The following FAM234A variants were observed in gnomAD, a reference collection of about 807,000 sequenced individuals.
FAM234A encodes the protein protein FAM234A.
FAM234A carries 42 observed loss-of-function variants against 49.1 expected under a neutral mutation model. That is an observed-to-expected ratio of 0.86 (90% CI 0.67 to 1.11). The LOEUF is 1.11. Among genes scored for constraint, FAM234A ranks in the 50% least tolerant of loss-of-function variants. The pLI, the probability that FAM234A is intolerant of heterozygous loss-of-function variation, is 0.00. For missense variants in FAM234A, 815 were observed against 745.2 expected, an observed-to-expected ratio of 1.09 and a Z score of -1.09; for synonymous variants, 369 against 316.2, an observed-to-expected ratio of 1.17 and a Z score of -1.77.
Position 264,012 on chromosome 16 carries a change from C to T in FAM234A, c.1189-4C>T, listed in dbSNP as rs1044058454. On this transcript the variant is annotated splice_region_variant and splice_polypyrimidine_tract_variant and intron_variant, in intron 10 of 12. Coordinates refer to ENST00000399932, the MANE Select transcript of FAM234A (RefSeq NM_032039.4). Reference sequence around the variant, plus strand: ...GGCCCCCACAGTGTCCCCTCCCTCCCCAGATCCTGTTTCTGGACCTTGGCA... The same window carrying T: ...GGCCCCCACAGTGTCCCCTCCCTCCTCAGATCCTGTTTCTGGACCTTGGCA... The T allele has an allele frequency of 3.1e-6, 5 of 1,610,346 alleles. No individual in the cohort carries two copies. Among genetic ancestry groups the T allele is most frequent in the Non-Finnish European group, 4.2e-6 (5 of 1,177,988 alleles).
intron 9 of FAM234A, 40 bp downstream of exon 9, chr16:263,442 C>G (rs1389333582): frequency 6.3e-7 from 1 of 1,597,392 alleles, no homozygotes; most frequent in Non-Finnish European, 8.5e-7. Flanking sequence ...TGCTGCACCC[C>G]TTCCCGGCAT....
intron 1 of FAM234A, chr16:240,108 A>G (rs1429364139): frequency 6.6e-6 from 1 of 152,042 alleles, no homozygotes; most frequent in Non-Finnish European, 1.5e-5. Flanking sequence ...TTGCTGTCAA[A>G]TGCCCAGCGT....
chr16:267,934 TACAC>T (rs1252245683), downstream of FAM234A, among the ~76,000 whole-genome samples: 1 of 145,876 alleles, frequency 6.9e-6, no homozygotes, highest in Non-Finnish European at 1.5e-5. Context: ...ACACGTGCAC[TACAC>T]ACAATCACAC....
At chr16:241,778 T>A (rs932850122) in intron 1 of FAM234A, among the ~76,000 whole-genome samples, 1 of 151,616 alleles carries the variant, frequency 6.6e-6, no homozygotes, top group Non-Finnish European at 1.5e-5. Flanking sequence ...TTAGCCGGGC[T>A]TGGTGGCGGG....
chr16:254,124 G>C (rs2051131051), intron 2 of FAM234A: 1 of 428,976 alleles, frequency 2.3e-6, no homozygotes, highest in South Asian at 2.4e-5. Flanking sequence ...GCACCAGCGT[G>C]TTCTGGATGA....
At chr16:269,479 C>A, downstream of FAM234A, 1 of 1,610,964 alleles carries the variant, frequency 6.2e-7, no homozygotes. Flanking sequence ...CAGCCGCCGG[C>A]CACAGGGCAC....
chr16:268,498 G>T (rs2051772205), downstream of FAM234A: 1 of 528,192 alleles, frequency 1.9e-6, no homozygotes, highest in Non-Finnish European at 3.4e-6. Flanking sequence ...TGGGGGATGG[G>T]GAGCAAGGCC....
intron 3 of FAM234A, among the ~76,000 whole-genome samples, chr16:256,569 A>T (rs1019440095): frequency 6.6e-6 from 1 of 151,472 alleles, no homozygotes; most frequent in Non-Finnish European, 1.5e-5. Flanking sequence ...ATTTTTATTT[A>T]TTTATTTATT....
At chr16:259,650 CGT>C in intron 4 of FAM234A, 51 bp downstream of exon 4, 1 of 1,192,772 alleles carries the variant, frequency 8.4e-7, no homozygotes, top group East Asian at 2.3e-5. Flanking sequence ...AAAGAGGAAT[CGT>C]CATTTTGGGT....
chr16:262,644 C>T (rs2051517115), intron 8 of FAM234A, 91 bp downstream of exon 8: 2 of 1,325,984 alleles, frequency 1.5e-6, no homozygotes, highest in East Asian at 2.7e-5. Flanking sequence ...TGTGTGGAGC[C>T]CAGAGCAGCC....
chr16:269,468 A>G (rs1307641122), downstream of FAM234A: 3 of 1,606,892 alleles, frequency 1.9e-6, no homozygotes, highest in Non-Finnish European at 2.6e-6. Flanking sequence ...CCCCCAGGCC[A>G]CAGCCGCCGG....
rs1262867943 is a variant in FAM234A at position 265,194 on chromosome 16, G to A, written c.*172G>A. ...CCTCCATGATCACACCCAGGGACCTGCATGGGTGAGGGGACACCCTGGGCC... is the reference window on the plus strand; with the variant it reads ...CCTCCATGATCACACCCAGGGACCTACATGGGTGAGGGGACACCCTGGGCC... On this transcript the variant is annotated 3_prime_UTR_variant, in exon 13 of 13. Coordinates refer to ENST00000399932, the MANE Select transcript of FAM234A (RefSeq NM_032039.4). The A allele has an allele frequency of 6.3e-6, 9 of 1,417,748 alleles. No individual in the cohort carries two copies. Among genetic ancestry groups the A allele is most frequent in the Middle Eastern group, 2.5e-4 (1 of 4,042 alleles). 87.8% of individuals were successfully genotyped at this position (1,417,748 alleles called of 1,614,324 possible). A position where few individuals can be genotyped will look rare whatever the true frequency, so the allele number is the denominator to read the frequency against.
At chr16:266,655 C>G (rs1400335711), downstream of FAM234A, among the ~76,000 whole-genome samples, 1 of 152,194 alleles carries the variant, frequency 6.6e-6, no homozygotes, top group Non-Finnish European at 1.5e-5. Context: ...ATTGCTCCTT[C>G]CAAGGCGTGG....
At chr16:259,684 T>C in intron 4 of FAM234A, 85 bp downstream of exon 4, 2 of 876,280 alleles carry the variant, frequency 2.3e-6, no homozygotes, top group Non-Finnish European at 3.8e-6. Flanking sequence ...TTTCAGTGTT[T>C]GGGGGAAGCA....
intron 1 of FAM234A, chr16:248,292 C>A (rs937401426): frequency 1.3e-5 from 2 of 152,028 alleles, no homozygotes; most frequent in African/African-American, 4.8e-5. Flanking sequence ...CCAGGCTCTC[C>A]AATTCAAAAG....
chr16:260,496 C>A, intron 5 of FAM234A: 1 of 494,870 alleles, frequency 2.0e-6, no homozygotes, highest in Non-Finnish European at 4.1e-6. Context: ...TCAGTGGTGG[C>A]AGTGCCCAGG....
intron 2 of FAM234A, among the ~76,000 whole-genome samples, chr16:251,771 G>A (rs2051023352): frequency 6.8e-6 from 1 of 147,030 alleles, no homozygotes; most frequent in South Asian, 2.2e-4. Flanking sequence ...TGGGAGGCCA[G>A]TGCGGGTGGA....
At chr16:262,270 C>T in intron 7 of FAM234A, 45 bp downstream of exon 7, 1 of 1,605,822 alleles carries the variant, frequency 6.2e-7, no homozygotes, top group Non-Finnish European at 8.5e-7. Flanking sequence ...ACTCGTGGAG[C>T]ATGACTGCCC....
At chr16:234,963 C>G (rs1188063384) in intron 1 of FAM234A, 106 bp downstream of exon 1, 1 of 152,370 alleles carries the variant, frequency 6.6e-6, no homozygotes, top group Non-Finnish European at 1.5e-5. Context: ...CCCTCGGCCC[C>G]TGGAGGACCC....
Sources: allele counts gnomAD v4.1 joint callset (sites outside exome capture counted in the v4.1 genomes callset), GRCh38; gene constraint gnomAD v4.1.1; transcripts MANE v1.5; gene names NCBI Gene and HGNC (gene_info 2026-07-23, HGNC 2026-07-21).